NHS: variants seen among roughly 807,000 people sequenced by gnomAD.
NHS encodes actin remodeling regulator NHS.
Under a neutral mutation model 72.5 loss-of-function variants are expected in NHS, and 5 were observed. The ratio of observed to expected loss-of-function variants is 0.07; its 90% CI spans 0.04 to 0.14. The LOEUF (loss-of-function observed/expected upper bound fraction) is 0.14, where lower values mean the gene tolerates loss of function less well. NHS is among the 10% of genes least tolerant of loss of function. The probability of loss-of-function intolerance (pLI) is 1.00; values close to 1 mark genes in which losing one functional copy is unlikely to be tolerated. For missense variants in NHS, 1,072 were observed against 1,355.7 expected, an observed-to-expected ratio of 0.79 and a Z score of 3.29; for synonymous variants, 464 against 547.7, an observed-to-expected ratio of 0.85 and a Z score of 2.13.
At chrX:17,618,629 A>G (rs940576174) in intron 1 of NHS, among the ~76,000 whole-genome samples, 22 of 112,331 alleles carry the variant, frequency 2.0e-4, no homozygotes, top group Non-Finnish European at 3.6e-4. Flanking sequence ...TATCCCTTGA[A>G]TAATGATTAG....
At chrX:17,379,050 C>T (rs2064361727) in intron 1 of NHS, among the ~76,000 whole-genome samples, 1 of 111,133 alleles carries the variant, frequency 9.0e-6, no homozygotes, top group South Asian at 3.9e-4. Flanking sequence ...GGAGAGGAAG[C>T]CTAAAAGTAA....
At chrX:17,441,044 C>T (rs1281034872) in intron 1 of NHS, among the ~76,000 whole-genome samples, 1 of 111,955 alleles carries the variant, frequency 8.9e-6, no homozygotes, top group Non-Finnish European at 1.9e-5. Context: ...CCTCACCCAC[C>T]ACTCCCAGCT....
intron 3 of NHS, among the ~76,000 whole-genome samples, chrX:17,705,894 A>G (rs2066292509): frequency 8.9e-6 from 1 of 112,375 alleles, no homozygotes; most frequent in Non-Finnish European, 1.9e-5. Context: ...GTACTCTTTG[A>G]AAATGTTAAG....
chrX:17,443,230 C>T (rs1025737242), intron 1 of NHS, among the ~76,000 whole-genome samples: 27 of 112,366 alleles, frequency 2.4e-4, no homozygotes, highest in African/African-American at 7.4e-4. Flanking sequence ...AAAAAGCCAG[C>T]GACTATATAC....
intron 1 of NHS, among the ~76,000 whole-genome samples, chrX:17,422,806 A>G (rs1436729387): frequency 8.9e-6 from 1 of 111,891 alleles, no homozygotes; most frequent in Non-Finnish European, 1.9e-5. Context: ...CGAGTAGGGA[A>G]GGTGGGCTCC....
chrX:17,420,259 T>A (rs909500298), intron 1 of NHS, among the ~76,000 whole-genome samples: 1 of 112,156 alleles, frequency 8.9e-6, no homozygotes, highest in Non-Finnish European at 1.9e-5. Context: ...TGTTCATTCA[T>A]CCATTCACCC....
intron 1 of NHS, among the ~76,000 whole-genome samples, chrX:17,430,441 C>G (rs984347693): frequency 3.0e-4 from 28 of 93,139 alleles, no homozygotes; most frequent in Non-Finnish European, 5.5e-4. Context: ...TTCTTTCTCT[C>G]TCTCTCTTTC....
chrX:17,727,333 G>A lies in NHS; in HGVS notation c.3227G>A (p.Ser1076Asn). 1.7e-6 allele frequency: 2 copies of A among 1,211,160 alleles called. No individual in the cohort carries two copies. The highest frequency in any genetic ancestry group is 2.2e-6 in the Non-Finnish European group (2 of 894,865). The stretch of plus-strand genomic sequence containing the variant: ...TTAAAAGATGGAACTATATCACTGA[G>A]TAAAGACCTTGAACTTCCAATTATA... ...PSLKDGTISLSKDLELPIIPP... is the reference protein window; with the variant it reads ...PSLKDGTISLNKDLELPIIPP... The change falls in exon 7 of 9, where the codon AGT becomes AAT. Residue 1076 changes from serine (S) to asparagine (N), a missense_variant. By Grantham distance (46) the Ser-to-Asn change is conservative (BLOSUM62 1). Transcript: ENST00000676302.
In NHS at chrX:17,734,499, CAGAG is replaced by C. The variant is rs894531285; in HGVS notation, c.*2040_*2043del. 1.8e-5 allele frequency: 2 copies of C among 110,918 alleles called. No homozygotes were observed. Among genetic ancestry groups the C allele is most frequent in the Non-Finnish European group, 3.8e-5 (2 of 52,819 alleles). The allele number at this position is 110,918 out of a possible 1,213,427, so 9.1% of individuals were successfully genotyped here. On this transcript the variant is annotated 3_prime_UTR_variant, in exon 9 of 9. Coordinates refer to ENST00000676302, the MANE Select transcript of NHS (RefSeq NM_001291867.2). ...GGAGGGGTATAAGAGGAGGGAGAGT[CAGAG>C]AGAGTGTGTATGGGTGTGTGTGAGT... is the stretch of plus-strand genomic sequence containing the variant.
chrX:17,684,481 A>C (rs1195656171), intron 1 of NHS, among the ~76,000 whole-genome samples: 1 of 110,037 alleles, frequency 9.1e-6, no homozygotes, highest in Non-Finnish European at 1.9e-5. Context: ...GTTCTCTTTC[A>C]AGTTCATTGG....
intron 1 of NHS, among the ~76,000 whole-genome samples, chrX:17,507,442 AC>A (rs771136587): frequency 8.9e-6 from 1 of 111,944 alleles, no homozygotes; most frequent in South Asian, 3.8e-4. Flanking sequence ...ACCTAAAAAA[AC>A]ATACCTCACC....
intron 1 of NHS, among the ~76,000 whole-genome samples, chrX:17,421,915 A>C (rs2064625961): frequency 9.2e-6 from 1 of 109,203 alleles, no homozygotes; most frequent in African/African-American, 3.3e-5. Context: ...CCTTTTCAAA[A>C]AATGAGATAT....
intron 1 of NHS, among the ~76,000 whole-genome samples, chrX:17,556,701 A>C (rs1460764739): frequency 1.8e-5 from 2 of 112,670 alleles, no homozygotes; most frequent in East Asian, 5.6e-4. Flanking sequence ...TCAGATGCCC[A>C]TTCCAAGAAT....
chrX:17,537,966 A>G (rs141638846), intron 1 of NHS, among the ~76,000 whole-genome samples: 1,375 of 111,811 alleles, frequency 0.012, 17 homozygotes, highest in African/African-American at 0.043. Context: ...GGAAGGGAGA[A>G]TTGCAGAGCC....
At position 17,723,773 on chromosome X, in the gene NHS, G is replaced by GCGCA. The variant is rs1470018197; in HGVS notation, c.1109-523_1109-522insACGC. On this transcript the variant is annotated intron_variant, in intron 5 of 8. Transcript: ENST00000676302. ...TGTGTGTGTGTGTGTGTGTGTGTGC[G>GCGCA]CGCGCGTGCGCGCATGGGGAATGCA... 8.5e-3 allele frequency among the ~76,000 whole-genome samples: 893 copies of GCGCA among 105,140 alleles called. 18 individuals carry two copies. The highest frequency in any genetic ancestry group is 0.031 in the African/African-American group (844 of 27,360). The allele number at this position is 105,140 out of a possible 115,157, so 91.3% of individuals were successfully genotyped here.
intron 1 of NHS, among the ~76,000 whole-genome samples, chrX:17,616,443 A>T (rs1464024315): frequency 1.8e-5 from 2 of 112,945 alleles, no homozygotes; most frequent in East Asian, 5.5e-4. Flanking sequence ...GATGTCATTT[A>T]AAAATATCTA....
chrX:17,730,642 C>T (rs1306390942), intron 8 of NHS, among the ~76,000 whole-genome samples: 2 of 112,286 alleles, frequency 1.8e-5, no homozygotes, highest in South Asian at 7.4e-4. Flanking sequence ...GCTGATTTAC[C>T]AAAGAAAATC....
chrX:17,726,496 A>G lies in NHS; in HGVS notation c.2390A>G (p.Asn797Ser), dbSNP rs748566190. 7 of 1,211,958 alleles carry G rather than the reference A, an allele frequency of 5.8e-6. No individual in the cohort carries two copies. The South Asian group carries it at 1.1e-4, about 18-fold the overall frequency. The stretch of plus-strand genomic sequence containing the variant: ...CACTTTGACTGTGGTCTCAAAGGTA[A>G]TAAGAGCTATGTCTGTCACTATGCA... ...SMHFDCGLKG[N>S]KSYVCHYAAL... is the part of the protein sequence containing the mutation. The change falls in exon 7 of 9, where the codon AAT becomes AGT. Residue 797 changes from asparagine (N) to serine (S), a missense_variant. Coordinates refer to ENST00000676302, the MANE Select transcript of NHS (RefSeq NM_001291867.2).
rs747335244 is a variant in NHS at position 17,678,271 on chromosome X, G to GGT, written c.566-9449_566-9448dup. Among the ~76,000 whole-genome samples, 374 of 102,642 alleles carry GGT rather than the reference G, an allele frequency of 3.6e-3. 2 individuals carry two copies. Among genetic ancestry groups the GGT allele is most frequent in the South Asian group, 0.022 (52 of 2,337 alleles). 89.1% of individuals were successfully genotyped at this position (102,642 alleles called of 115,157 possible). ...TTTTAGACTTTTTTGAATGACTGTG[G>GGT]GTGTGTGTGTGTGTGTGTGTGTGAG... On this transcript the variant is annotated intron_variant, in intron 1 of 8. Coordinates refer to ENST00000676302, the MANE Select transcript of NHS (RefSeq NM_001291867.2).
Sources: allele counts gnomAD v4.1 joint callset (sites outside exome capture counted in the v4.1 genomes callset), GRCh38; gene constraint gnomAD v4.1.1; transcripts MANE v1.5; gene names NCBI Gene and HGNC (gene_info 2026-07-23, HGNC 2026-07-21).